PEX5L: variants seen among roughly 807,000 people sequenced by gnomAD.
PEX5L encodes the protein PEX5-related protein.
In PEX5L, 30 loss-of-function variants were observed where a neutral mutation model predicts 84.0. The ratio of observed to expected loss-of-function variants is 0.36; its 90% confidence interval spans 0.27 to 0.48. The LOEUF is 0.48. Among genes scored for constraint, PEX5L ranks in the 20% least tolerant of loss-of-function variants. The pLI, the probability that PEX5L is intolerant of heterozygous loss-of-function variation, is 0.99. For synonymous variants in PEX5L, 270 were observed against 283.1 expected (o/e 0.95, Z 0.46); for missense variants, 533 against 754.6 (o/e 0.71, Z 3.44).
chr3:179,819,205 T>C (rs1463911130), intron 9 of PEX5L, among the ~76,000 whole-genome samples: 1 of 152,204 alleles, frequency 6.6e-6, no homozygotes, highest in African/African-American at 2.4e-5. Flanking sequence ...CATTTACACT[T>C]ATTCCTCAGT....
intron 1 of PEX5L, among the ~76,000 whole-genome samples, chr3:180,008,358 G>A (rs995471404): frequency 2.0e-5 from 3 of 152,096 alleles, no homozygotes; most frequent in South Asian, 2.1e-4. Flanking sequence ...TATTGCTATC[G>A]GCATTTTGGG....
Position 179,982,020 on chromosome 3 carries a change from T to C in PEX5L, c.22-10355A>G, listed in dbSNP as rs28437414. The stretch of plus-strand genomic sequence containing the variant: ...GGATATCATCAAACCTAATGTGTTT[T>C]TAAGAGAATTGAGGTGGCATATTTA... On this transcript the variant is annotated intron_variant, in intron 1 of 14. Transcript: ENST00000467460. Among the ~76,000 whole-genome samples the C allele has an allele frequency of 8.8e-3, 1,343 of 152,360 alleles. 19 individuals carry two copies. The highest frequency in any genetic ancestry group is 0.031 in the African/African-American group (1,282 of 41,584).
intron 6 of PEX5L, 50 bp from the exon 7 acceptor site, chr3:179,874,473 G>A: frequency 1.0e-6 from 1 of 956,386 alleles, no homozygotes; most frequent in Non-Finnish European, 1.6e-6. Context: ...AACAAATTAA[G>A]CTATAAATCC....
At chr3:180,024,022 G>A (rs1399593065) in intron 1 of PEX5L, among the ~76,000 whole-genome samples, 1 of 151,982 alleles carries the variant, frequency 6.6e-6, no homozygotes, top group Non-Finnish European at 1.5e-5. Context: ...TGTGTGCCTG[G>A]GTGTGGGATT....
chr3:179,877,947 C>G (rs987691375), intron 5 of PEX5L, among the ~76,000 whole-genome samples: 1 of 152,166 alleles, frequency 6.6e-6, no homozygotes, highest in Non-Finnish European at 1.5e-5. Context: ...GCTTGGTTCT[C>G]TTTCCTTTCT....
rs1327660438 is a variant in PEX5L at position 179,868,024 on chromosome 3, T to TTTCTTCTTC, written c.726+6302_726+6303insGAAGAAGAA. ...GAACAAATGCTTTATTATTTATGTA[T>TTTCTTCTTC]TTATTCTTCTTCTTCTTCTTTTTTT... On this transcript the variant is annotated intron_variant, in intron 7 of 14. Coordinates refer to ENST00000467460, the MANE Select transcript of PEX5L (RefSeq NM_016559.3). Among the ~76,000 whole-genome samples, 15 of 139,040 alleles carry TTTCTTCTTC rather than the reference T, an allele frequency of 1.1e-4. 1 individual carries two copies. The highest frequency in any genetic ancestry group is 4.5e-4 in the Admixed American group (6 of 13,452). The allele number at this position is 139,040 out of a possible 152,430, so 91.2% of individuals were successfully genotyped here. A position where few individuals can be genotyped will look rare whatever the true frequency, so the allele number is the denominator to read the frequency against.
chr3:179,934,741 G>C (rs1219587480), intron 2 of PEX5L, among the ~76,000 whole-genome samples: 2 of 151,936 alleles, frequency 1.3e-5, no homozygotes, highest in Non-Finnish European at 2.9e-5. Flanking sequence ...TTGGGTTTTT[G>C]CTGAACACAC....
At chr3:179,885,652 A>C (rs1312241228) in intron 4 of PEX5L, among the ~76,000 whole-genome samples, 1 of 152,110 alleles carries the variant, frequency 6.6e-6, no homozygotes, top group Non-Finnish European at 1.5e-5. Context: ...TCTCAGAAAA[A>C]AAAAAAAAAG....
intron 5 of PEX5L, 59 bp from the exon 6 acceptor site, chr3:179,875,536 G>A (rs1363678546): frequency 1.4e-5 from 19 of 1,319,640 alleles, no homozygotes; most frequent in East Asian, 7.4e-5. Context: ...TAGGGGGAGC[G>A]GTGGCGGGGA....
chr3:179,903,123 T>C (rs1264945984), intron 2 of PEX5L, among the ~76,000 whole-genome samples: 2 of 152,208 alleles, frequency 1.3e-5, no homozygotes, highest in Non-Finnish European at 1.5e-5. Flanking sequence ...ATTTAAAGAA[T>C]AGACCTATTA....
At chr3:179,982,282 A>G (rs531535472) in intron 1 of PEX5L, among the ~76,000 whole-genome samples, 3 of 152,192 alleles carry the variant, frequency 2.0e-5, no homozygotes, top group South Asian at 2.1e-4. Flanking sequence ...TTTAAAAATA[A>G]TAACGTGTTA....
In PEX5L at chr3:179,800,790, T is replaced by C. The variant is rs1446935055; in HGVS notation, c.*1038A>G. On this transcript the variant is annotated 3_prime_UTR_variant, in exon 15 of 15. Transcript: ENST00000467460. ...TATTTATCACTCTTAAGAAATATTA[T>C]TTAAAATATTTATGGTTTAAAAGGA... 6.6e-6 allele frequency: 1 copy of C among 152,232 alleles called. No individual in the cohort carries two copies. Among genetic ancestry groups the C allele is most frequent in the Non-Finnish European group, 1.5e-5 (1 of 68,040 alleles). 9.4% of individuals were successfully genotyped at this position (152,232 alleles called of 1,614,324 possible).
At chr3:179,888,750 GT>G (rs199591725) in intron 3 of PEX5L, among the ~76,000 whole-genome samples, 1 of 151,270 alleles carries the variant, frequency 6.6e-6, no homozygotes, top group Non-Finnish European at 1.5e-5. Context: ...TAATCTTTAG[GT>G]TTTTTTGTTT....
At chr3:179,969,012 A>T (rs545333173) in intron 2 of PEX5L, among the ~76,000 whole-genome samples, 22 of 152,088 alleles carry the variant, frequency 1.4e-4, no homozygotes, top group Non-Finnish European at 3.2e-4. Context: ...TCTGTTATTA[A>T]TTTGCTTATA....
At chr3:179,978,077 C>T (rs1016721808) in intron 1 of PEX5L, among the ~76,000 whole-genome samples, 11 of 152,324 alleles carry the variant, frequency 7.2e-5, no homozygotes, top group Admixed American at 3.3e-4. Flanking sequence ...TGAGCCCAGA[C>T]ATTTAGTAAT....
At chr3:179,832,085 G>T (rs1340413703) in intron 8 of PEX5L, among the ~76,000 whole-genome samples, 1 of 152,124 alleles carries the variant, frequency 6.6e-6, no homozygotes, top group Non-Finnish European at 1.5e-5. Context: ...TTATAAGGCT[G>T]TTACAGTTGT....
At chr3:180,027,734 G>A (rs1176785715) in intron 1 of PEX5L, among the ~76,000 whole-genome samples, 1 of 152,110 alleles carries the variant, frequency 6.6e-6, no homozygotes, top group African/African-American at 2.4e-5. Context: ...TTCCTTCCTA[G>A]CCCAAGATCC....
At chr3:179,901,486 A>G (rs1338757076) in intron 2 of PEX5L, among the ~76,000 whole-genome samples, 1 of 152,232 alleles carries the variant, frequency 6.6e-6, no homozygotes, top group East Asian at 1.9e-4. Context: ...ATATGCTTCT[A>G]TGCCACTCAG....
Position 179,969,457 on chromosome 3 carries a change from C to T in PEX5L, c.93+2137G>A, listed in dbSNP as rs201363196. ...ATTCATTTTCTGGAAAACAAATGTA[C>T]ATATACATACACACATGCTTAATTT... On this transcript the variant is annotated intron_variant, in intron 2 of 14. Coordinates refer to ENST00000467460, the MANE Select transcript of PEX5L (RefSeq NM_016559.3). 1.4e-3 allele frequency among the ~76,000 whole-genome samples: 212 copies of T among 152,038 alleles called. 2 individuals carry two copies. The highest frequency in any genetic ancestry group is 4.9e-3 in the African/African-American group (204 of 41,496).
Sources: allele counts gnomAD v4.1 joint callset (sites outside exome capture counted in the v4.1 genomes callset), GRCh38; gene constraint gnomAD v4.1.1; transcripts MANE v1.5; gene names NCBI Gene and HGNC (gene_info 2026-07-23, HGNC 2026-07-21).